Variants in ADGRD1 observed in about 807,000 individuals in gnomAD.
The protein encoded by ADGRD1 is adhesion G protein-coupled receptor D1.
Under a neutral mutation model 113.4 loss-of-function variants are expected in ADGRD1, and 77 were observed. The ratio of observed to expected loss-of-function variants is 0.68; its 90% CI spans 0.57 to 0.82. ADGRD1 has a LOEUF of 0.82. ADGRD1 is among the 40% of genes least tolerant of loss of function. ADGRD1 has a pLI of 0.00. For missense variants in ADGRD1, 1,036 were observed against 1,139.1 expected, an observed-to-expected ratio of 0.91 and a Z score of 1.30; for synonymous variants, 474 against 475.0, an observed-to-expected ratio of 1.00 and a Z score of 0.03.
intron 13 of ADGRD1, among the ~76,000 whole-genome samples, chr12:131,046,331 T>G (rs1882757103): frequency 7.4e-6 from 1 of 135,986 alleles, no homozygotes; most frequent in Non-Finnish European, 1.5e-5. Context: ...TCCTCCCTGG[T>G]CAGTGCTCCC....
At chr12:131,047,990 G>T (rs1192516711) in intron 13 of ADGRD1, among the ~76,000 whole-genome samples, 4 of 152,226 alleles carry the variant, frequency 2.6e-5, no homozygotes, top group African/African-American at 9.6e-5. Flanking sequence ...TGTCACAGGG[G>T]TGAGATGGGG....
intron 12 of ADGRD1, among the ~76,000 whole-genome samples, chr12:131,013,784 C>T (rs1400769779): frequency 6.6e-6 from 1 of 152,220 alleles, no homozygotes; most frequent in Non-Finnish European, 1.5e-5. Flanking sequence ...GGTGAGTTAC[C>T]TGCCCAAGGT....
At chr12:131,066,926 C>T (rs1241962910) in intron 13 of ADGRD1, among the ~76,000 whole-genome samples, 1 of 152,196 alleles carries the variant, frequency 6.6e-6, no homozygotes, top group Non-Finnish European at 1.5e-5. Flanking sequence ...CGGCTTTCCC[C>T]TGAGTAAGGT....
At chr12:131,002,503 A>C (rs1876512366) in intron 9 of ADGRD1, 1 of 989,678 alleles carries the variant, frequency 1.0e-6, no homozygotes, top group African/African-American at 1.7e-5. Flanking sequence ...TTCCCCAGAA[A>C]GGCAGGAAGA....
intron 14 of ADGRD1, among the ~76,000 whole-genome samples, chr12:131,077,572 C>T (rs568817975): frequency 1.3e-5 from 2 of 152,142 alleles, no homozygotes; most frequent in South Asian, 4.2e-4. Flanking sequence ...ACAGTCACAG[C>T]GGTGTTGAAA....
At chr12:131,034,825 T>C (rs1166773107) in intron 13 of ADGRD1, among the ~76,000 whole-genome samples, 2 of 152,124 alleles carry the variant, frequency 1.3e-5, no homozygotes, top group Non-Finnish European at 2.9e-5. Flanking sequence ...GAAATGTCAC[T>C]GCACCGGCTC....
rs1330259452 is a variant in ADGRD1 at position 130,987,672 on chromosome 12, T to C, written c.745+323T>C. On this transcript the variant is annotated intron_variant, in intron 6 of 24. Transcript: ENST00000261654. ...ATTAGTGTTTTTGATCAACAAATGT[T>C]AGCCGTGTGCCTCCCAGGGGATGGG... The C allele has an allele frequency of 5.3e-5, 19 of 361,076 alleles. 1 individual carries two copies. In the East Asian group the frequency reaches 1.2e-3, roughly 22 times the overall value. 22.4% of individuals were successfully genotyped at this position (361,076 alleles called of 1,614,324 possible).
intron 13 of ADGRD1, among the ~76,000 whole-genome samples, chr12:131,020,709 G>C (rs994757696): frequency 2.0e-5 from 3 of 152,220 alleles, no homozygotes; most frequent in African/African-American, 7.2e-5. Context: ...AAGCCCTCAG[G>C]CTCTGTCCTT....
At chr12:131,004,023 C>CTTTTTTTTTTTTTTTT (rs56871865) in intron 10 of ADGRD1, among the ~76,000 whole-genome samples, 163 bp from the exon 11 acceptor site, 1 of 139,030 alleles carries the variant, frequency 7.2e-6, no homozygotes, top group Non-Finnish European at 1.6e-5. Flanking sequence ...TTGCTTTACC[C>CTTTTTTTTTTTTTTTT]TTTTTTTTTT....
chr12:131,075,820 G>A lies in ADGRD1; in HGVS notation c.1474-981G>A, dbSNP rs977867965. On this transcript the variant is annotated intron_variant, in intron 13 of 24. Coordinates refer to ENST00000261654, the MANE Select transcript of ADGRD1 (RefSeq NM_198827.5). This position sits in a 1 kb window ranked among gnomAD's most constrained non-coding sequence, Gnocchi z 5.3. Reference sequence around the variant, plus strand: ...CCTGAGGGCTGGTCACCCTGAAATGGGGGAAGGGTCTCATTGGAGCAATGA... The same window carrying A: ...CCTGAGGGCTGGTCACCCTGAAATGAGGGAAGGGTCTCATTGGAGCAATGA... Among the ~76,000 whole-genome samples the A allele has an allele frequency of 1.3e-5, 2 of 152,222 alleles. No homozygotes were observed. Among genetic ancestry groups the A allele is most frequent in the African/African-American group, 4.8e-5 (2 of 41,454 alleles).
At chr12:131,105,653 C>T (rs757439240) in intron 16 of ADGRD1, 101 bp from the exon 17 acceptor site, 72 of 815,216 alleles carry the variant, frequency 8.8e-5, no homozygotes, top group Non-Finnish European at 1.4e-4. Context: ...TCTGGCTGCT[C>T]TTGGAGGAAT....
At chr12:131,054,393 C>T (rs571446199) in intron 13 of ADGRD1, among the ~76,000 whole-genome samples, 1 of 152,294 alleles carries the variant, frequency 6.6e-6, no homozygotes, top group East Asian at 1.9e-4. Flanking sequence ...ATAGTATGTA[C>T]TCTTTTCTGG....
chr12:131,054,262 A>G (rs1307428157), intron 13 of ADGRD1, among the ~76,000 whole-genome samples: 2 of 152,154 alleles, frequency 1.3e-5, no homozygotes, highest in African/African-American at 4.8e-5. Context: ...TCCCCTTTGT[A>G]ATCCCTGTCC....
At chr12:130,997,600 A>T (rs905868063) in intron 8 of ADGRD1, among the ~76,000 whole-genome samples, 1 of 150,154 alleles carries the variant, frequency 6.7e-6, no homozygotes, top group African/African-American at 2.5e-5. Context: ...CACATCTCAG[A>T]CGATGGGCGG....
In ADGRD1 at chr12:130,960,081, T is replaced by C. The variant is rs1870161384; in HGVS notation, c.103+5421T>C. On this transcript the variant is annotated intron_variant, in intron 2 of 24. Transcript: ENST00000261654. Reference sequence around the variant, plus strand: ...AGCCTTATGAAGCTGTGATGGTTGATTAATCTGAATCCATAAATGGCACTG... The same window carrying C: ...AGCCTTATGAAGCTGTGATGGTTGACTAATCTGAATCCATAAATGGCACTG... Among the ~76,000 whole-genome samples the C allele has an allele frequency of 1.3e-5, 2 of 152,208 alleles. 1 individual carries two copies. Among genetic ancestry groups the C allele is most frequent in the South Asian group, 4.1e-4 (2 of 4,836 alleles).
intron 3 of ADGRD1, chr12:130,969,668 TAATAACAGA>T (rs1364912058): frequency 2.6e-5 from 4 of 152,340 alleles, no homozygotes; most frequent in African/African-American, 9.6e-5. Context: ...TGTAATATAA[TAATAACAGA>T]AATAAAGTGC....
At chr12:131,051,399 G>T (rs1883371992) in intron 13 of ADGRD1, among the ~76,000 whole-genome samples, 1 of 152,096 alleles carries the variant, frequency 6.6e-6, no homozygotes, top group Non-Finnish European at 1.5e-5. Flanking sequence ...TAAACAAATT[G>T]GGAATCTCAG....
intron 12 of ADGRD1, 48 bp from the exon 13 acceptor site, chr12:131,014,151 T>C: frequency 6.3e-7 from 1 of 1,591,148 alleles, no homozygotes; most frequent in Non-Finnish European, 8.6e-7. Flanking sequence ...AGCTGTGTGC[T>C]GCTCCCCTGC....
chr12:131,130,389 C>T (rs141597197), intron 20 of ADGRD1, among the ~76,000 whole-genome samples: 197 of 152,282 alleles, frequency 1.3e-3, no homozygotes, highest in African/African-American at 4.6e-3. Flanking sequence ...CTCACTGCCA[C>T]AATAGTGTCC....
Sources: gnomAD v4.1 joint callset for allele counts (sites outside exome capture counted in the v4.1 genomes callset) on GRCh38, gnomAD v4.1.1 for gene constraint, Gnocchi (gnomAD v3.1) non-coding constraint, MANE v1.5 for transcripts, NCBI Gene and HGNC (gene_info 2026-07-23, HGNC 2026-07-21) for gene names.